COL11A1: variants seen among roughly 807,000 people sequenced by gnomAD.
COL11A1 encodes collagen type XI alpha 1 chain, also known as collagen alpha-1(XI) chain.
COL11A1 carries 74 observed loss-of-function variants against 265.2 expected under a neutral mutation model. That is an observed-to-expected ratio of 0.28 (90% CI 0.23 to 0.34). The LOEUF (loss-of-function observed/expected upper bound fraction) is 0.34. Among genes scored for constraint, COL11A1 ranks in the 10% least tolerant of loss-of-function variants. COL11A1 has a pLI of 1.00. For missense variants in COL11A1, 2,165 were observed against 2,263.6 expected (o/e 0.96, Z 0.88); for synonymous variants, 816 against 727.6 (o/e 1.12, Z -1.96).
intron 46 of COL11A1, among the ~76,000 whole-genome samples, chr1:102,933,994 C>T (rs985505400): frequency 6.6e-6 from 1 of 151,752 alleles, no homozygotes; most frequent in South Asian, 2.1e-4. Flanking sequence ...CTGTCTGGCA[C>T]TCCCTAGTGA....
intron 57 of COL11A1, among the ~76,000 whole-genome samples, chr1:102,893,931 A>C (rs1652073981): frequency 6.6e-6 from 1 of 152,152 alleles, no homozygotes; most frequent in African/African-American, 2.4e-5. Flanking sequence ...CTATCTTTTA[A>C]GTTTTTATTG....
At chr1:102,952,780 A>C (rs1660012485) in intron 41 of COL11A1, among the ~76,000 whole-genome samples, 1 of 152,250 alleles carries the variant, frequency 6.6e-6, no homozygotes, top group Non-Finnish European at 1.5e-5. Context: ...CTACCCATTA[A>C]GCAAATGACA....
chr1:102,956,216 G>A (rs1476227122), intron 41 of COL11A1, among the ~76,000 whole-genome samples: 1 of 152,064 alleles, frequency 6.6e-6, no homozygotes, highest in Non-Finnish European at 1.5e-5. Flanking sequence ...GATAAAACTG[G>A]TTTTTATTTA....
chr1:103,015,810 C>G, intron 11 of COL11A1, 68 bp from the exon 12 acceptor site: 1 of 1,169,646 alleles, frequency 8.5e-7, no homozygotes, highest in Non-Finnish European at 1.2e-6. Flanking sequence ...ACTAGAATAA[C>G]TTATAACGTA....
intron 1 of COL11A1, among the ~76,000 whole-genome samples, chr1:103,096,859 ACAGT>A (rs1192193400): frequency 1.3e-5 from 2 of 152,030 alleles, no homozygotes; most frequent in Admixed American, 6.6e-5. Flanking sequence ...AATAACAAGA[ACAGT>A]CACATAAGGT....
intron 38 of COL11A1, among the ~76,000 whole-genome samples, chr1:102,964,587 G>GGGGTGTGT (rs1553219266): frequency 1.1e-4 from 16 of 149,524 alleles, no homozygotes; most frequent in Middle Eastern, 3.4e-3. Context: ...TTTCTCTAGG[G>GGGGTGTGT]GTGTGTGTGT....
chr1:103,077,377 A>G (rs182431919), intron 3 of COL11A1, among the ~76,000 whole-genome samples: 66 of 152,126 alleles, frequency 4.3e-4, no homozygotes, highest in Admixed American at 4.0e-3. Context: ...TAAGGTGTGA[A>G]TAATAAGATG....
At chr1:103,051,809 G>A (rs1669856105) in intron 4 of COL11A1, among the ~76,000 whole-genome samples, 1 of 152,162 alleles carries the variant, frequency 6.6e-6, no homozygotes, top group South Asian at 2.1e-4. Context: ...TTAACTGTGT[G>A]TTTACTATAA....
intron 4 of COL11A1, among the ~76,000 whole-genome samples, chr1:103,032,221 C>T (rs187446362): frequency 2.5e-4 from 38 of 152,182 alleles, no homozygotes; most frequent in African/African-American, 7.5e-4. Context: ...CTCCCGACTC[C>T]ATATTTAATA....
At chr1:103,102,649 A>C (rs1007049046) in intron 1 of COL11A1, among the ~76,000 whole-genome samples, 6 of 152,044 alleles carry the variant, frequency 3.9e-5, no homozygotes, top group Non-Finnish European at 8.8e-5. Context: ...AAGTGTATCT[A>C]ATAAAATTCT....
At chr1:102,999,764 T>C (rs1307943786) in intron 24 of COL11A1, among the ~76,000 whole-genome samples, 3 of 152,010 alleles carry the variant, frequency 2.0e-5, no homozygotes, top group African/African-American at 7.2e-5. Flanking sequence ...CAATTAAACA[T>C]TACTATTTAC....
chr1:102,940,686 C>A (rs1034411883), intron 42 of COL11A1, among the ~76,000 whole-genome samples: 1 of 151,992 alleles, frequency 6.6e-6, no homozygotes, highest in African/African-American at 2.4e-5. Context: ...TTCAAACATG[C>A]AATTATTATA....
At chr1:103,046,279 T>TGTTG (rs71094596) in intron 4 of COL11A1, among the ~76,000 whole-genome samples, 7 of 39,908 alleles carry the variant, frequency 1.8e-4, no homozygotes, top group Non-Finnish European at 2.3e-4. Context: ...CTCCAGCACC[T>TGTTG]TTTTAATGAT....
At chr1:103,074,415 C>T (rs949203436) in intron 4 of COL11A1, among the ~76,000 whole-genome samples, 44 of 152,056 alleles carry the variant, frequency 2.9e-4, no homozygotes, top group African/African-American at 1.0e-3. Flanking sequence ...GTTTCCCAGG[C>T]GTTACGGTCA....
At chr1:103,084,928 G>A (rs563530966) in intron 1 of COL11A1, among the ~76,000 whole-genome samples, 2 of 152,182 alleles carry the variant, frequency 1.3e-5, no homozygotes, top group East Asian at 1.9e-4. Context: ...CTGAAAACAC[G>A]TTTCATACTG....
chr1:102,938,642 G>A (rs1447555302), intron 44 of COL11A1, among the ~76,000 whole-genome samples: 10 of 152,098 alleles, frequency 6.6e-5, no homozygotes, highest in Admixed American at 2.0e-4. Flanking sequence ...TGATTTAAAT[G>A]AAAAATTTTA....
chr1:103,092,358 GT>G (rs1272165502), intron 1 of COL11A1, among the ~76,000 whole-genome samples: 1 of 152,060 alleles, frequency 6.6e-6, no homozygotes, highest in Non-Finnish European at 1.5e-5. Context: ...AGTTAAGTAT[GT>G]CATGAATGCA....
chr1:103,078,464 A>G (rs987997136), intron 3 of COL11A1, among the ~76,000 whole-genome samples, 194 bp downstream of exon 3: 1 of 152,046 alleles, frequency 6.6e-6, no homozygotes, highest in East Asian at 1.9e-4. Flanking sequence ...ACTACTTATT[A>G]GTAATTTATT....
chr1:102,929,622 T>A (rs1210580136), intron 46 of COL11A1, among the ~76,000 whole-genome samples: 1 of 152,166 alleles, frequency 6.6e-6, no homozygotes, highest in Admixed American at 6.6e-5. Flanking sequence ...TTTCCAATTC[T>A]GTGAAGAAAG....
Sources: allele counts gnomAD v4.1 joint callset (sites outside exome capture counted in the v4.1 genomes callset), GRCh38; gene constraint gnomAD v4.1.1; transcripts MANE v1.5; gene names NCBI Gene and HGNC (gene_info 2026-07-23, HGNC 2026-07-21).